Variants in COL13A1 observed in about 807,000 individuals in gnomAD.
COL13A1 encodes the protein collagen alpha-1(XIII) chain.
A neutral mutation model predicts 130.9 loss-of-function variants in COL13A1; 89 were observed. That is an observed-to-expected ratio of 0.68 (90% CI 0.57 to 0.81). COL13A1 has a LOEUF of 0.81. COL13A1 is among the 30% of genes least tolerant of loss of function. COL13A1 has a pLI of 0.00. For missense variants in COL13A1, 879 were observed against 934.6 expected, an observed-to-expected ratio of 0.94 and a Z score of 0.78; for synonymous variants, 402 against 341.6, an observed-to-expected ratio of 1.18 and a Z score of -1.95.
At chr10:69,879,545 C>T (rs2059927178) in intron 6 of COL13A1, 1 of 152,220 alleles carries the variant, frequency 6.6e-6, no homozygotes. Flanking sequence ...TGTATCATTG[C>T]CATGACATAA....
intron 2 of COL13A1, among the ~76,000 whole-genome samples, chr10:69,826,561 G>T (rs980365891): frequency 6.6e-6 from 1 of 152,198 alleles, no homozygotes; most frequent in Non-Finnish European, 1.5e-5. Context: ...GCTGGTGAGG[G>T]GTGCATGAAG....
chr10:69,823,473 C>T (rs1846641978), intron 2 of COL13A1, among the ~76,000 whole-genome samples: 1 of 152,194 alleles, frequency 6.6e-6, no homozygotes, highest in South Asian at 2.1e-4. Flanking sequence ...CAGCGTGTGG[C>T]CTCCTCGATA....
chr10:69,837,662 G>T (rs1850467406), intron 2 of COL13A1, among the ~76,000 whole-genome samples: 1 of 152,216 alleles, frequency 6.6e-6, no homozygotes, highest in Non-Finnish European at 1.5e-5. Flanking sequence ...GTGGAGGGTG[G>T]CAGAATCCCT....
chr10:69,839,364 G>A (rs1850964239), intron 2 of COL13A1, among the ~76,000 whole-genome samples: 1 of 152,212 alleles, frequency 6.6e-6, no homozygotes, highest in Non-Finnish European at 1.5e-5. Context: ...TGATTGTTAT[G>A]AAGAAAATAA....
At chr10:69,952,828 T>G in intron 38 of COL13A1, 54 bp from the exon 39 acceptor site, 1 of 1,217,826 alleles carries the variant, frequency 8.2e-7, no homozygotes, top group African/African-American at 1.6e-5. Context: ...CCTTAACACA[T>G]GAATGATCTT....
At chr10:69,824,340 G>A (rs1846951596) in intron 2 of COL13A1, among the ~76,000 whole-genome samples, 1 of 152,256 alleles carries the variant, frequency 6.6e-6, no homozygotes, top group Admixed American at 6.5e-5. Flanking sequence ...TTGTGGCCAG[G>A]CAGAGACTTG....
At chr10:69,880,720 T>C (rs1454024010) in intron 7 of COL13A1, among the ~76,000 whole-genome samples, 167 bp downstream of exon 7, 1 of 152,172 alleles carries the variant, frequency 6.6e-6, no homozygotes, top group Non-Finnish European at 1.5e-5. Context: ...CCGATGTTGA[T>C]GTTAAGGAAA....
chr10:69,916,686 C>T (rs917371911), intron 17 of COL13A1, among the ~76,000 whole-genome samples: 4 of 152,130 alleles, frequency 2.6e-5, no homozygotes, highest in African/African-American at 7.2e-5. Flanking sequence ...GACAGGTGAC[C>T]CTACCTGTGC....
intron 2 of COL13A1, among the ~76,000 whole-genome samples, chr10:69,834,895 A>G (rs1272956832): frequency 1.3e-5 from 2 of 152,200 alleles, no homozygotes; most frequent in East Asian, 3.8e-4. Context: ...CTTAGAGAAG[A>G]AAGACCTTAC....
Position 69,954,258 on chromosome 10 carries a change from C to G in COL13A1, c.2145+1290C>G, listed in dbSNP as rs145114278. 1.1e-4 allele frequency among the ~76,000 whole-genome samples: 16 copies of G among 152,354 alleles called. 1 individual carries two copies. In the East Asian group the frequency reaches 3.1e-3, roughly 29 times the overall value. On this transcript the variant is annotated intron_variant, in intron 39 of 40. Coordinates refer to ENST00000645393, the MANE Select transcript of COL13A1 (RefSeq NM_001368882.1). The stretch of plus-strand genomic sequence containing the variant: ...CAAAGTTTACTGGGATGTTTCCTGG[C>G]TTCCTGCTGCAGCTACCTCTAAAGC...
intron 18 of COL13A1, 52 bp downstream of exon 18, chr10:69,917,385 G>C: frequency 6.6e-7 from 1 of 1,518,980 alleles, no homozygotes; most frequent in South Asian, 1.2e-5. Context: ...CTCCCCCAGT[G>C]CCCATCCCTC....
At chr10:69,957,741 T>G (rs1186404601) in intron 40 of COL13A1, among the ~76,000 whole-genome samples, 2 of 152,186 alleles carry the variant, frequency 1.3e-5, no homozygotes, top group Non-Finnish European at 2.9e-5. Context: ...GCTTGCTAAC[T>G]AATCCAGAAG....
intron 34 of COL13A1, among the ~76,000 whole-genome samples, chr10:69,938,791 A>C (rs2067264893): frequency 6.6e-6 from 1 of 152,222 alleles, no homozygotes; most frequent in South Asian, 2.1e-4. Flanking sequence ...TTAAGAAGCC[A>C]ATCTGCTTGA....
intron 40 of COL13A1, among the ~76,000 whole-genome samples, chr10:69,957,954 C>T (rs2071106559): frequency 6.6e-6 from 1 of 152,188 alleles, no homozygotes; most frequent in African/African-American, 2.4e-5. Context: ...GCAGCAGAGT[C>T]ACACTTACAA....
At chr10:69,831,060 G>A (rs1310418277) in intron 2 of COL13A1, among the ~76,000 whole-genome samples, 1 of 152,128 alleles carries the variant, frequency 6.6e-6, no homozygotes, top group Non-Finnish European at 1.5e-5. Context: ...AAGCCTCTCT[G>A]AATGTCTGAA....
At chr10:69,897,449 G>A (rs1414004562) in intron 13 of COL13A1, 1 of 1,612,982 alleles carries the variant, frequency 6.2e-7, no homozygotes, top group Non-Finnish European at 8.5e-7. Flanking sequence ...CCCTGTCTCT[G>A]CCACCTCCAT....
At chr10:69,895,698 C>T in intron 13 of COL13A1, 122 bp downstream of exon 13, 1 of 1,065,590 alleles carries the variant, frequency 9.4e-7, no homozygotes, top group Admixed American at 1.8e-5. Context: ...CAGGAGCACC[C>T]ACTGCCCTCT....
rs200542262 is a variant in COL13A1 at position 69,949,999 on chromosome 10, CGTGT to C, written c.2058+2664_2058+2667del. Among the ~76,000 whole-genome samples, 155 of 149,554 alleles carry C rather than the reference CGTGT, an allele frequency of 1.0e-3. 3 individuals are homozygous for C. The East Asian group carries it at 0.024, about 23-fold the overall frequency. On this transcript the variant is annotated intron_variant, in intron 38 of 40. Transcript: ENST00000645393. ...GTGTGTGTGCATGTGTTTGTGTGTG[CGTGT>C]GTGTGTACGTCTCACTTCCTAAGTC... is the stretch of plus-strand genomic sequence containing the variant.
chr10:69,923,985 A>C, intron 24 of COL13A1, 130 bp downstream of exon 24: 1 of 1,285,626 alleles, frequency 7.8e-7, no homozygotes, highest in Non-Finnish European at 1.1e-6. Flanking sequence ...GGCTTCCCTA[A>C]TTCCTGGTTG....
Sources: gnomAD v4.1 joint callset for allele counts (sites outside exome capture counted in the v4.1 genomes callset) on GRCh38, gnomAD v4.1.1 for gene constraint, MANE v1.5 for transcripts, NCBI Gene and HGNC (gene_info 2026-07-23, HGNC 2026-07-21) for gene names.